Variants in LYPLA1 observed in about 807,000 individuals in gnomAD.
The protein encoded by LYPLA1 is lysophospholipase 1.
Under a neutral mutation model 34.0 loss-of-function variants are expected in LYPLA1, and 17 were observed. The observed-to-expected ratio is 0.50, with a 90% CI of 0.34 to 0.75. LYPLA1 has a LOEUF of 0.75. Among genes scored for constraint, LYPLA1 ranks in the 30% least tolerant of loss-of-function variants. LYPLA1 has a pLI of 0.01. For synonymous variants in LYPLA1, 98 were observed against 100.8 expected, an observed-to-expected ratio of 0.97 and a Z score of 0.17; for missense variants, 203 against 288.8, an observed-to-expected ratio of 0.70 and a Z score of 2.15.
At position 54,084,133 on chromosome 8, in the gene LYPLA1, A is replaced by AAAAAAAAAAAAAATTTTTATAT; in HGVS notation, c.101+16774_101+16775insATATAAAAATTTTTTTTTTTTT. 3.1e-4 allele frequency among the ~76,000 whole-genome samples: 37 copies of AAAAAAAAAAAAAATTTTTATAT among 120,434 alleles called. 1 individual carries two copies. The highest frequency in any genetic ancestry group is 4.2e-4 in the African/African-American group (9 of 21,638). 79.0% of individuals were successfully genotyped at this position (120,434 alleles called of 152,430 possible). A position where few individuals can be genotyped will look rare whatever the true frequency, so the allele number is the denominator to read the frequency against. On this transcript the variant is annotated intron_variant, in intron 2 of 8. Transcript: ENST00000316963. ...AGCCTGGGAGACCAAAGAAAAAAAA[A>AAAAAAAAAAAAAATTTTTATAT]ATAAATAAATATATATATATATATA...
intron 5 of LYPLA1, among the ~76,000 whole-genome samples, chr8:54,056,394 C>A (rs1801923457): frequency 6.6e-6 from 1 of 152,070 alleles, no homozygotes; most frequent in Non-Finnish European, 1.5e-5. Context: ...GCAAAAATTT[C>A]TTGAGAAATA....
chr8:54,048,539 T>C (rs1484567823), intron 8 of LYPLA1, among the ~76,000 whole-genome samples: 1 of 152,186 alleles, frequency 6.6e-6, no homozygotes, highest in Non-Finnish European at 1.5e-5. Context: ...GTGTCTTTCA[T>C]AAAGAATTAC....
downstream of LYPLA1, among the ~76,000 whole-genome samples, chr8:54,044,067 T>G (rs1224656198): frequency 6.6e-6 from 1 of 151,970 alleles, no homozygotes; most frequent in Non-Finnish European, 1.5e-5. Context: ...AATTTTTGCA[T>G]TTTTAGTAGA....
intron 8 of LYPLA1, among the ~76,000 whole-genome samples, chr8:54,048,764 A>G (rs1372106490): frequency 6.6e-6 from 1 of 152,172 alleles, no homozygotes; most frequent in Non-Finnish European, 1.5e-5. Flanking sequence ...GTAGCAATGC[A>G]GCTAACCTTC....
At chr8:54,064,478 ATAGCAACCCTAGCCAC>A in intron 3 of LYPLA1, among the ~76,000 whole-genome samples, 1 of 152,244 alleles carries the variant, frequency 6.6e-6, no homozygotes, top group Non-Finnish European at 1.5e-5. Context: ...GATAGAGGAC[ATAGCAACCCTAGCCAC>A]AGTATTCACT....
chr8:54,099,341 C>A (rs1182371398), intron 2 of LYPLA1, among the ~76,000 whole-genome samples: 1 of 152,174 alleles, frequency 6.6e-6, no homozygotes, highest in Non-Finnish European at 1.5e-5. Context: ...TTTTCTGTAA[C>A]TCCATACAAA....
intron 8 of LYPLA1, 90 bp from the exon 9 acceptor site, chr8:54,048,208 A>G: frequency 1.3e-6 from 1 of 776,146 alleles, no homozygotes; most frequent in Non-Finnish European, 2.3e-6. Flanking sequence ...AATCTATGGT[A>G]TGCATAAAGG....
At position 54,047,213 on chromosome 8, in the gene LYPLA1, G is replaced by T. The variant is rs1287156013; in HGVS notation, c.*852C>A. Reference sequence around the variant, plus strand: ...ATAGCTAGGTGTAAATTTGGATAAGGTACAGTAATTCGAAATAAGTAGTGC... The same window carrying T: ...ATAGCTAGGTGTAAATTTGGATAAGTTACAGTAATTCGAAATAAGTAGTGC... On this transcript the variant is annotated 3_prime_UTR_variant, in exon 9 of 9. Coordinates refer to ENST00000316963, the MANE Select transcript of LYPLA1 (RefSeq NM_006330.4). 1 of 152,138 alleles carries T rather than the reference G, an allele frequency of 6.6e-6. No homozygotes were observed. Among genetic ancestry groups the T allele is most frequent in the Non-Finnish European group, 1.5e-5 (1 of 67,978 alleles). The allele number at this position is 152,138 out of a possible 1,614,324, so 9.4% of individuals were successfully genotyped here.
chr8:54,050,922 A>G, intron 8 of LYPLA1, 90 bp downstream of exon 8: 1 of 1,344,242 alleles, frequency 7.4e-7, no homozygotes, highest in East Asian at 2.3e-5. Context: ...ACTCATTTAA[A>G]TCCCCAAGCA....
intron 2 of LYPLA1, chr8:54,072,972 AG>A: frequency 2.8e-6 from 1 of 351,112 alleles, no homozygotes; most frequent in Non-Finnish European, 5.5e-6. Context: ...GTGGCCAACA[AG>A]CATATGAAAA....
Position 54,077,015 on chromosome 8 carries a change from T to C in LYPLA1, c.102-11202A>G, listed in dbSNP as rs996445504. Among the ~76,000 whole-genome samples the C allele has an allele frequency of 2.6e-5, 4 of 151,982 alleles. No individual in the cohort carries two copies. The East Asian group carries it at 5.8e-4, about 22-fold the overall frequency. On this transcript the variant is annotated intron_variant, in intron 2 of 8. Coordinates refer to ENST00000316963, the MANE Select transcript of LYPLA1 (RefSeq NM_006330.4). ...TCCCTGACAGAGCTGGTCTCGGCAG[T>C]TCTCCCATAAAGACACATGCATACT...
At chr8:54,066,533 C>A (rs532596243) in intron 2 of LYPLA1, among the ~76,000 whole-genome samples, 3 of 151,982 alleles carry the variant, frequency 2.0e-5, no homozygotes, top group Non-Finnish European at 4.4e-5. Flanking sequence ...GTAATCCTAG[C>A]ACTTTGGGAG....
At chr8:54,071,764 T>C (rs148287518) in intron 2 of LYPLA1, among the ~76,000 whole-genome samples, 1 of 152,298 alleles carries the variant, frequency 6.6e-6, no homozygotes, top group Non-Finnish European at 1.5e-5. Flanking sequence ...ATGCATTCCA[T>C]GCTCATGGAT....
intron 2 of LYPLA1, among the ~76,000 whole-genome samples, chr8:54,071,275 G>C (rs1367991578): frequency 6.6e-6 from 1 of 152,188 alleles, no homozygotes; most frequent in Admixed American, 6.5e-5. Flanking sequence ...AGCTGAGAAA[G>C]CTGGCAAAAC....
chr8:54,065,158 A>T (rs2129335136), intron 3 of LYPLA1, among the ~76,000 whole-genome samples: 1 of 152,348 alleles, frequency 6.6e-6, no homozygotes, highest in East Asian at 1.9e-4. Context: ...CCCTTCAGAG[A>T]TACCCTAGGG....
rs532658577 is a variant in LYPLA1 at position 54,073,604 on chromosome 8, G to T, written c.102-7791C>A. ...ACCTATTTACAGAAGTATAATTTTAGATATCATGCAAATTTCATGACCAGT... is the reference window on the plus strand; with the variant it reads ...ACCTATTTACAGAAGTATAATTTTATATATCATGCAAATTTCATGACCAGT... On this transcript the variant is annotated intron_variant, in intron 2 of 8. Coordinates refer to ENST00000316963, the MANE Select transcript of LYPLA1 (RefSeq NM_006330.4). 138 of 528,020 alleles carry T rather than the reference G, an allele frequency of 2.6e-4. 1 individual carries two copies. Among genetic ancestry groups the T allele is most frequent in the African/African-American group, 2.2e-3 (115 of 52,432 alleles). The allele number at this position is 528,020 out of a possible 1,614,324, so 32.7% of individuals were successfully genotyped here.
intron 2 of LYPLA1, among the ~76,000 whole-genome samples, chr8:54,084,958 A>G (rs973440337): frequency 6.6e-6 from 1 of 151,780 alleles, no homozygotes; most frequent in African/African-American, 2.4e-5. Context: ...CCAATGTTTA[A>G]AGAATCCTCC....
chr8:54,063,370 A>C lies in LYPLA1; in HGVS notation c.173T>G (p.Val58Gly). ...HIKYICPHAP[V>G]RPVTLNMNVA... is the part of the protein sequence containing the mutation. Reference sequence around the variant, plus strand: ...GTTCATATTTAATGTAACAGGCCTAACAGGCCTACATGGAAAAGAAAAAAC... The same window carrying C: ...GTTCATATTTAATGTAACAGGCCTACCAGGCCTACATGGAAAAGAAAAAAC... Residue 58 changes from valine (V) to glycine (G), a missense_variant, in exon 4 of 9, where the codon GTT (valine) becomes GGT (glycine). Val to Gly is a moderately radical substitution (Grantham distance 109). This residue lies in a region of LYPLA1 where 75 missense variants were observed against 73.5 expected (regional missense o/e 1.02). Coordinates refer to ENST00000316963, the MANE Select transcript of LYPLA1 (RefSeq NM_006330.4). 1 of 1,534,444 alleles carries C rather than the reference A, an allele frequency of 6.5e-7. No homozygotes were observed. The highest frequency in any genetic ancestry group is 8.8e-7 in the Non-Finnish European group (1 of 1,137,250).
chr8:54,083,344 TCTAA>T (rs1258116799), intron 2 of LYPLA1, among the ~76,000 whole-genome samples: 4 of 152,256 alleles, frequency 2.6e-5, no homozygotes, highest in African/African-American at 9.6e-5. Flanking sequence ...CAAATACAGC[TCTAA>T]CTCTCATGCA....
Sources: gnomAD v4.1 joint callset for allele counts (sites outside exome capture counted in the v4.1 genomes callset) on GRCh38, gnomAD v4.1.1 for gene constraint, gnomAD v4.1.1 regional missense constraint, MANE v1.5 for transcripts, NCBI Gene and HGNC (gene_info 2026-07-23, HGNC 2026-07-21) for gene names.